The following EBF1 variants were observed in gnomAD, a reference collection of about 807,000 sequenced individuals.
EBF1 encodes the protein EBF transcription factor 1, also known as transcription factor COE1.
Under a neutral mutation model 68.4 loss-of-function variants are expected in EBF1, and 10 were observed. That is an observed-to-expected ratio of 0.15 (90% CI 0.09 to 0.25). EBF1 has a LOEUF of 0.25. Among genes scored for constraint, EBF1 ranks in the 10% least tolerant of loss-of-function variants. The pLI is 1.00. For synonymous variants in EBF1, 298 were observed against 299.8 expected, an observed-to-expected ratio of 0.99 and a Z score of 0.06; for missense variants, 509 against 794.4, an observed-to-expected ratio of 0.64 and a Z score of 4.32.
At chr5:158,703,016 T>TC (rs967816654) in intron 15 of EBF1, among the ~76,000 whole-genome samples, 1 of 152,182 alleles carries the variant, frequency 6.6e-6, no homozygotes, top group African/African-American at 2.4e-5. Flanking sequence ...GCGTAGACTG[T>TC]CCAGGACATG....
chr5:158,892,470 C>T (rs1251434869), intron 6 of EBF1, among the ~76,000 whole-genome samples: 1 of 151,792 alleles, frequency 6.6e-6, no homozygotes, highest in African/African-American at 2.4e-5. Flanking sequence ...TCCTGGATGA[C>T]GAAACAAAAA....
At chr5:158,800,600 A>C (rs1780407712) in intron 8 of EBF1, among the ~76,000 whole-genome samples, 1 of 152,210 alleles carries the variant, frequency 6.6e-6, no homozygotes, top group South Asian at 2.1e-4. Context: ...AAAATAAAAC[A>C]AACAAAACAG....
At chr5:158,726,624 G>A (rs1344340266) in intron 11 of EBF1, among the ~76,000 whole-genome samples, 1 of 152,184 alleles carries the variant, frequency 6.6e-6, no homozygotes, top group Non-Finnish European at 1.5e-5. Context: ...AGAGGGGCTG[G>A]CTCTTGGAGA....
intron 9 of EBF1, among the ~76,000 whole-genome samples, chr5:158,789,854 G>A (rs2127723956): frequency 6.6e-6 from 1 of 152,266 alleles, no homozygotes; most frequent in South Asian, 2.1e-4. Flanking sequence ...CAATCCTCTT[G>A]TTTATTGACA....
chr5:158,946,202 T>C (rs965984770), intron 6 of EBF1, among the ~76,000 whole-genome samples: 3 of 152,140 alleles, frequency 2.0e-5, no homozygotes, highest in African/African-American at 7.2e-5. Context: ...TCAAACTAAT[T>C]CTCCATCCTG....
chr5:158,941,787 A>G (rs1372699830), intron 6 of EBF1, among the ~76,000 whole-genome samples: 2 of 152,214 alleles, frequency 1.3e-5, no homozygotes, highest in Non-Finnish European at 2.9e-5. Context: ...GATGGTGATG[A>G]GTCCAAGGAG....
At chr5:159,095,369 C>G (rs1407792305) in intron 4 of EBF1, among the ~76,000 whole-genome samples, 1 of 152,174 alleles carries the variant, frequency 6.6e-6, no homozygotes, top group African/African-American at 2.4e-5. Context: ...TCTCGCCACT[C>G]AGCACCCTGC....
chr5:158,709,462 C>T (rs566916035), intron 14 of EBF1, among the ~76,000 whole-genome samples: 2 of 152,330 alleles, frequency 1.3e-5, no homozygotes, highest in East Asian at 3.9e-4. Flanking sequence ...TTCTGCTAAG[C>T]TACCCTGCAA....
chr5:158,954,885 G>A (rs752515944), intron 6 of EBF1, among the ~76,000 whole-genome samples: 5 of 152,084 alleles, frequency 3.3e-5, no homozygotes, highest in African/African-American at 7.2e-5. Context: ...TAGGACTTAC[G>A]GAGCCAAGCA....
In EBF1 at chr5:158,871,557, C is replaced by T. The variant is rs1312629462; in HGVS notation, c.555-31447G>A. On this transcript the variant is annotated intron_variant, in intron 6 of 15. Transcript: ENST00000313708. The stretch of plus-strand genomic sequence containing the variant: ...GGAGGCAGAAATAAGAAATGTTTAA[C>T]AAGCAGTCTTCTTTAAGTTATGACA... Among the ~76,000 whole-genome samples, 5 of 152,146 alleles carry T rather than the reference C, an allele frequency of 3.3e-5. No individual in the cohort carries two copies. In the East Asian group the frequency reaches 9.6e-4, roughly 29 times the overall value.
chr5:158,815,135 T>C (rs1783464169), intron 8 of EBF1, among the ~76,000 whole-genome samples: 1 of 152,222 alleles, frequency 6.6e-6, no homozygotes, highest in Non-Finnish European at 1.5e-5. Flanking sequence ...TTCCTGGATT[T>C]GAACCCTGGG....
At chr5:159,019,516 G>T (rs1432462699) in intron 6 of EBF1, among the ~76,000 whole-genome samples, 1 of 152,136 alleles carries the variant, frequency 6.6e-6, no homozygotes, top group Non-Finnish European at 1.5e-5. Context: ...ACGAGTGAGG[G>T]CTGAGGTGTT....
At chr5:158,988,313 C>T (rs181574914) in intron 6 of EBF1, among the ~76,000 whole-genome samples, 18 of 151,698 alleles carry the variant, frequency 1.2e-4, no homozygotes, top group Admixed American at 5.9e-4. Context: ...AAACTGATAA[C>T]CATGTCAGGC....
intron 6 of EBF1, among the ~76,000 whole-genome samples, chr5:159,015,244 C>G (rs898115251): frequency 4.6e-5 from 7 of 152,236 alleles, no homozygotes; most frequent in African/African-American, 1.7e-4. Flanking sequence ...TAGCACAGTC[C>G]CTGGCATATC....
intron 6 of EBF1, among the ~76,000 whole-genome samples, chr5:159,070,756 A>G (rs971566226): frequency 1.3e-5 from 2 of 152,210 alleles, no homozygotes; most frequent in Admixed American, 6.5e-5. Flanking sequence ...TCAGCTCTGT[A>G]ATTGCATATT....
chr5:158,949,532 G>A (rs1302573469), intron 6 of EBF1, among the ~76,000 whole-genome samples: 2 of 152,144 alleles, frequency 1.3e-5, no homozygotes, highest in Non-Finnish European at 2.9e-5. Context: ...TCAGGAAAAA[G>A]AACAGATCAC....
chr5:158,720,457 C>T (rs1047514771), intron 11 of EBF1, among the ~76,000 whole-genome samples: 5 of 152,138 alleles, frequency 3.3e-5, no homozygotes, highest in Non-Finnish European at 7.4e-5. Context: ...GAAAATTCCA[C>T]AATGGTAGAC....
intron 6 of EBF1, among the ~76,000 whole-genome samples, chr5:158,901,095 C>G (rs1000946031): frequency 6.6e-5 from 10 of 152,228 alleles, no homozygotes; most frequent in African/African-American, 2.4e-4. Context: ...CCAGAAGTAT[C>G]TTCATTAGCC....
intron 10 of EBF1, among the ~76,000 whole-genome samples, chr5:158,750,690 AT>A (rs1257452784): frequency 6.6e-6 from 1 of 152,070 alleles, no homozygotes; most frequent in African/African-American, 2.4e-5. Flanking sequence ...TTATAGCATC[AT>A]TTTATAGTGC....
Sources: allele counts gnomAD v4.1 joint callset (sites outside exome capture counted in the v4.1 genomes callset), GRCh38; gene constraint gnomAD v4.1.1; transcripts MANE v1.5; gene names NCBI Gene and HGNC (gene_info 2026-07-23, HGNC 2026-07-21).